Variants in CHMP5 observed in about 807,000 individuals in gnomAD.
CHMP5 encodes SNF7 domain containing 2.
CHMP5 carries 17 observed loss-of-function variants against 33.0 expected under a neutral mutation model. The ratio of observed to expected loss-of-function variants is 0.52; its 90% CI spans 0.35 to 0.77. CHMP5 has a LOEUF of 0.77. Among genes scored for constraint, CHMP5 ranks in the 30% least tolerant of loss-of-function variants. CHMP5 has a pLI of 0.01. For synonymous variants in CHMP5, 76 were observed against 90.2 expected (o/e 0.84, Z 0.89); for missense variants, 216 against 261.5 (o/e 0.83, Z 1.20).
Position 33,281,844 on chromosome 9 carries a change from A to C in CHMP5, c.*985A>C, listed in dbSNP as rs1820925853. 2 of 152,242 alleles carry C rather than the reference A, an allele frequency of 1.3e-5. No homozygotes were observed. Among genetic ancestry groups the C allele is most frequent in the East Asian group, 3.8e-4 (2 of 5,200 alleles). The allele number at this position is 152,242 out of a possible 1,614,324, so 9.4% of individuals were successfully genotyped here. On this transcript the variant is annotated 3_prime_UTR_variant, in exon 8 of 8. Transcript: ENST00000223500. Reference sequence around the variant, plus strand: ...TATTCTTATATGAGGGATTGTTAACAATAAAAAAGAAACTGCTTCATTCTT... The same window carrying C: ...TATTCTTATATGAGGGATTGTTAACCATAAAAAAGAAACTGCTTCATTCTT...
chr9:33,280,569 C>T (rs1820910211), intron 7 of CHMP5, among the ~76,000 whole-genome samples: 1 of 152,144 alleles, frequency 6.6e-6, no homozygotes, highest in Non-Finnish European at 1.5e-5. Context: ...TCTCTTTCTC[C>T]CTCTTTCACT....
intron 2 of CHMP5, 137 bp from the exon 3 acceptor site, chr9:33,267,716 A>C (rs1820743644): frequency 1.6e-6 from 1 of 628,058 alleles, no homozygotes; most frequent in African/African-American, 1.9e-5. Flanking sequence ...GAGGGGAAGT[A>C]CAGAATCCAG....
At chr9:33,269,803 GT>G (rs1820771748) in intron 3 of CHMP5, among the ~76,000 whole-genome samples, 1 of 151,890 alleles carries the variant, frequency 6.6e-6, no homozygotes, top group Non-Finnish European at 1.5e-5. Context: ...GGAAGAACCC[GT>G]CTCTACTAAA....
Position 33,281,713 on chromosome 9 carries a change from C to T in CHMP5, c.*854C>T, listed in dbSNP as rs936692648. 1 of 152,226 alleles carries T rather than the reference C, an allele frequency of 6.6e-6. No homozygotes were observed. The highest frequency in any genetic ancestry group is 6.5e-5 in the Admixed American group (1 of 15,278). 9.4% of individuals were successfully genotyped at this position (152,226 alleles called of 1,614,324 possible). On this transcript the variant is annotated 3_prime_UTR_variant, in exon 8 of 8. Transcript: ENST00000223500. ...AACTACTGAGTAGTCTATTCAACCT[C>T]TCTAACCTTCTGTTTCCTTATTAGT...
chr9:33,265,105 A>G lies in CHMP5; in HGVS notation c.27A>G (p.Lys9=), dbSNP rs769371689. 4 of 1,613,970 alleles carry G rather than the reference A, an allele frequency of 2.5e-6. No individual in the cohort carries two copies. The highest frequency in any genetic ancestry group is 3.4e-6 in the Non-Finnish European group (4 of 1,179,972). The change falls in exon 1 of 8, where the codon AAA becomes AAG. Residue 9 remains lysine, a synonymous_variant. Transcript: ENST00000223500. ...TGAACCGACTCTTCGGGAAAGCGAA[A>G]CCCAAGGCTCCGCCGCCCAGCCTGA... MNRLFGKA[K]PKAPPPSLTD... is the part of the protein sequence containing the mutation.
Position 33,280,938 on chromosome 9 carries a change from A to G in CHMP5, c.*79A>G. 4 of 1,266,730 alleles carry G rather than the reference A, an allele frequency of 3.2e-6. No individual in the cohort carries two copies. Among genetic ancestry groups the G allele is most frequent in the Non-Finnish European group, 4.4e-6 (4 of 905,146 alleles). The allele number at this position is 1,266,730 out of a possible 1,614,324, so 78.5% of individuals were successfully genotyped here. A position where few individuals can be genotyped will look rare whatever the true frequency, so the allele number is the denominator to read the frequency against. Reference sequence around the variant, plus strand: ...AAATATTTATCTTTCCAAATTTGCCATAACAGATTTAGGTTTCTTTCCTTT... The same window carrying G: ...AAATATTTATCTTTCCAAATTTGCCGTAACAGATTTAGGTTTCTTTCCTTT... On this transcript the variant is annotated 3_prime_UTR_variant, in exon 8 of 8. Coordinates refer to ENST00000223500, the MANE Select transcript of CHMP5 (RefSeq NM_016410.6).
chr9:33,266,133 G>A lies in CHMP5; in HGVS notation c.174+19G>A, dbSNP rs371624915. 3 of 1,536,778 alleles carry A rather than the reference G, an allele frequency of 2.0e-6. No homozygotes were observed. The highest frequency in any genetic ancestry group is 1.8e-6 in the Non-Finnish European group (2 of 1,110,846). Reference sequence around the variant, plus strand: ...TGCAAAGGTAAGGTGGGCAGCAACTGCTGCACAAGGTGCTGGCAGAGCCTA... The same window carrying A: ...TGCAAAGGTAAGGTGGGCAGCAACTACTGCACAAGGTGCTGGCAGAGCCTA... On this transcript the variant is annotated intron_variant, in intron 2 of 7. Transcript: ENST00000223500.
chr9:33,271,482 CTA>C (rs1587798125), intron 5 of CHMP5, among the ~76,000 whole-genome samples: 2 of 152,328 alleles, frequency 1.3e-5, no homozygotes, highest in East Asian at 3.9e-4. Flanking sequence ...GGTGCGAAAA[CTA>C]TATGCATTCA....
chr9:33,265,196 G>A, intron 1 of CHMP5, 49 bp downstream of exon 1: 1 of 1,417,720 alleles, frequency 7.1e-7, no homozygotes, highest in Non-Finnish European at 9.6e-7. Context: ...TGACACACCC[G>A]ACCCCGCCCA....
chr9:33,279,019 G>A (rs1220574466), intron 7 of CHMP5, among the ~76,000 whole-genome samples: 1 of 152,112 alleles, frequency 6.6e-6, no homozygotes, highest in African/African-American at 2.4e-5. Context: ...CGCCCCCCTG[G>A]TTCAAGCAAT....
chr9:33,271,101 T>G, intron 4 of CHMP5, 51 bp from the exon 5 acceptor site: 1 of 1,351,052 alleles, frequency 7.4e-7, no homozygotes, highest in Non-Finnish European at 1.1e-6. Flanking sequence ...TAAAGACAAT[T>G]TAACCAACAT....
In CHMP5 at chr9:33,278,221, A is replaced by G. The variant is rs1208317121; in HGVS notation, c.605A>G (p.Asn202Ser). The change falls in exon 7 of 8, where the codon AAC becomes AGC. Residue 202 changes from asparagine (N) to serine (S), a missense_variant. Transcript: ENST00000223500. ...GAAGGTGTTCCCACTGATACAAAAA[A>G]CAAGGTGAAAGCTTTTTCTGTTTAT... ...IPEGVPTDTK[N>S]KDGVLVDEFG... 2 of 1,589,260 alleles carry G rather than the reference A, an allele frequency of 1.3e-6. No homozygotes were observed. Among genetic ancestry groups the G allele is most frequent in the East Asian group, 2.2e-5 (1 of 44,742 alleles).
chr9:33,274,099 T>TC (rs1472392744), intron 5 of CHMP5, among the ~76,000 whole-genome samples: 1 of 148,198 alleles, frequency 6.7e-6, no homozygotes, highest in Non-Finnish European at 1.5e-5. Flanking sequence ...TTCTTTTTTC[T>TC]TTTTTTTTTG....
intron 4 of CHMP5, 93 bp downstream of exon 4, chr9:33,270,809 C>A: frequency 1.9e-6 from 2 of 1,033,822 alleles, no homozygotes; most frequent in South Asian, 1.4e-5. Context: ...CAGCCAGGCA[C>A]AGTGGCTCAC....
At chr9:33,270,285 T>G (rs529049253) in intron 3 of CHMP5, among the ~76,000 whole-genome samples, 1 of 152,304 alleles carries the variant, frequency 6.6e-6, no homozygotes, top group Admixed American at 6.5e-5. Flanking sequence ...ATAGCTTAGG[T>G]GAATAGTGGG....
At chr9:33,272,748 C>G (rs906584642) in intron 5 of CHMP5, among the ~76,000 whole-genome samples, 3 of 151,750 alleles carry the variant, frequency 2.0e-5, no homozygotes, top group Admixed American at 6.6e-5. Flanking sequence ...TGCAGTGAGC[C>G]AAGATTGCGC....
chr9:33,277,230 ACTTAGTGTGCAT>A (rs1820866959), intron 6 of CHMP5, among the ~76,000 whole-genome samples: 2 of 151,326 alleles, frequency 1.3e-5, no homozygotes, highest in Non-Finnish European at 2.9e-5. Flanking sequence ...GTTGGCAAAT[ACTTAGTGTGCAT>A]CTACTCTATG....
In CHMP5 at chr9:33,266,631, A is replaced by G. The variant is rs139974649; in HGVS notation, c.174+517A>G. Among the ~76,000 whole-genome samples the G allele has an allele frequency of 7.6e-4, 116 of 152,334 alleles. 1 individual carries two copies. Among genetic ancestry groups the G allele is most frequent in the African/African-American group, 2.5e-3 (106 of 41,582 alleles). ...GAGGCTGGGGATTGATCTGGTGGAAAGAGATGCTGGTCACACGTCTAAAAG... is the reference window on the plus strand; with the variant it reads ...GAGGCTGGGGATTGATCTGGTGGAAGGAGATGCTGGTCACACGTCTAAAAG... On this transcript the variant is annotated intron_variant, in intron 2 of 7. Transcript: ENST00000223500.
intron 3 of CHMP5, among the ~76,000 whole-genome samples, chr9:33,270,001 A>G (rs1369794034): frequency 6.6e-6 from 1 of 152,202 alleles, no homozygotes; most frequent in Non-Finnish European, 1.5e-5. Flanking sequence ...AGCAACACAG[A>G]AAAAAGCAAA....
Sources: allele counts gnomAD v4.1 joint callset (sites outside exome capture counted in the v4.1 genomes callset), GRCh38; gene constraint gnomAD v4.1.1; transcripts MANE v1.5; gene names NCBI Gene and HGNC (gene_info 2026-07-23, HGNC 2026-07-21).